The following PHRF1 variants were observed in gnomAD, a reference collection of about 807,000 sequenced individuals.
PHRF1 encodes the protein PHD and ring finger domains 1, also known as PHD and RING finger domain-containing protein 1.
Under a neutral mutation model 128.9 loss-of-function variants are expected in PHRF1, and 53 were observed. The observed-to-expected ratio is 0.41, with a 90% confidence interval of 0.33 to 0.52. PHRF1 has a LOEUF of 0.52. Among genes scored for constraint, PHRF1 ranks in the 20% least tolerant of loss-of-function variants. PHRF1 has a pLI of 0.21. For synonymous variants in PHRF1, 1,178 were observed against 980.6 expected (o/e 1.20, Z -3.76); for missense variants, 2,503 against 2,284.5 (o/e 1.10, Z -1.95).
At chr11:586,925 TCTGGGACCTGTGCTAGGCCCCAGGG>T (rs1854601634) in intron 3 of PHRF1, among the ~76,000 whole-genome samples, 1 of 152,192 alleles carries the variant, frequency 6.6e-6, no homozygotes, top group African/African-American at 2.4e-5. Context: ...CCTGATGGTC[TCTGGGACCTGTGCTAGGCCCCAGGG>T]CTGCCCTGCC....
chr11:600,222 C>G (rs147468612), intron 9 of PHRF1, among the ~76,000 whole-genome samples: 4,733 of 151,376 alleles, frequency 0.031, 110 homozygotes, highest in South Asian at 0.089. Context: ...TTTTCTGTGT[C>G]TCTCCCCGAT....
chr11:584,754 T>TG (rs1284414862), intron 3 of PHRF1, among the ~76,000 whole-genome samples: 2 of 147,498 alleles, frequency 1.4e-5, no homozygotes, highest in African/African-American at 5.1e-5. Context: ...TTTTTTTTTT[T>TG]GAGACCGAGT....
chr11:592,754 C>CACAGAGCGAAGA, intron 6 of PHRF1, 80 bp downstream of exon 6: 1 of 1,470,552 alleles, frequency 6.8e-7, no homozygotes, highest in Non-Finnish European at 9.5e-7. Context: ...AGAGCCTCTT[C>CACAGAGCGAAGA]GCTCTGTGAA....
intron 16 of PHRF1, 81 bp downstream of exon 16, chr11:610,842 G>A (rs1175577261): frequency 3.2e-6 from 5 of 1,582,028 alleles, no homozygotes; most frequent in Non-Finnish European, 4.3e-6. Flanking sequence ...TTTATGGGCG[G>A]AAGCTGGTCG....
At chr11:579,776 G>A (rs1217237319) in intron 1 of PHRF1, among the ~76,000 whole-genome samples, 2 of 152,262 alleles carry the variant, frequency 1.3e-5, no homozygotes, top group South Asian at 2.1e-4. Context: ...TTTCCAGGCA[G>A]TAGTAAGATT....
intron 9 of PHRF1, among the ~76,000 whole-genome samples, chr11:599,414 C>G: frequency 6.6e-6 from 1 of 151,898 alleles, no homozygotes; most frequent in East Asian, 1.9e-4. Context: ...CCACACCCAC[C>G]TAGTTTTTGT....
rs200601092 is a variant in PHRF1, at chr11:601,565, T to G, written c.1025-9T>G. ...CAGAGAAGCACAGACTTCAACCTCT[T>G]TTCCTTAGGAAGACGGAAGAAAGTG... On this transcript the variant is annotated splice_polypyrimidine_tract_variant and intron_variant, in intron 9 of 17. Coordinates refer to ENST00000264555, the MANE Select transcript of PHRF1 (RefSeq NM_001286581.2). 167 of 1,613,532 alleles carry G rather than the reference T, an allele frequency of 1.0e-4. No homozygotes were observed. The highest frequency in any genetic ancestry group is 1.3e-4 in the Non-Finnish European group (155 of 1,179,860).
Position 591,367 on chromosome 11 carries a change from GT to G in PHRF1, c.421-12del, listed in dbSNP as rs1172106427. The G allele has an allele frequency of 6.3e-7, 1 of 1,592,966 alleles. No homozygotes were observed. Among genetic ancestry groups the G allele is most frequent in the Admixed American group, 1.7e-5 (1 of 57,686 alleles). On this transcript the variant is annotated splice_polypyrimidine_tract_variant and intron_variant, in intron 4 of 17. Coordinates refer to ENST00000264555, the MANE Select transcript of PHRF1 (RefSeq NM_001286581.2). ...AAGTGATTGACAAGATTCTGATCCT[GT>G]TTTTATTTCTCACAGAATGCCAATT... is the stretch of plus-strand genomic sequence containing the variant.
At chr11:582,166 G>C in intron 3 of PHRF1, 85 bp downstream of exon 3, 1 of 1,537,090 alleles carries the variant, frequency 6.5e-7, no homozygotes, top group Non-Finnish European at 8.8e-7. Flanking sequence ...CTCCGTGAGA[G>C]TGCTGTCACC....
Position 606,478 on chromosome 11 carries a change from G to A in PHRF1, c.1491G>A (p.Leu497=), listed in dbSNP as rs1332816748. 1 of 1,590,658 alleles carries A rather than the reference G, an allele frequency of 6.3e-7. No homozygotes were observed. The highest frequency in any genetic ancestry group is 2.3e-5 in the East Asian group (1 of 43,976). Reference sequence around the variant, plus strand: ...CTGCCGCGGTGCCAGAGCCAGACTTGGAGGAGGAGCCAGTGCCTGACCTGC... The same window carrying A: ...CTGCCGCGGTGCCAGAGCCAGACTTAGAGGAGGAGCCAGTGCCTGACCTGC... ...RLPAAVPEPD[L]EEEPVPDLLG... The change falls in exon 13 of 18, where the codon TTG becomes TTA. Residue 497 remains leucine, a synonymous_variant. Transcript: ENST00000264555.
In PHRF1 at chr11:608,392, C is replaced by G. The variant is rs1190481624; in HGVS notation, c.2936C>G (p.Ala979Gly). 5.6e-6 allele frequency: 9 copies of G among 1,611,520 alleles called. No homozygotes were observed. In the Admixed American group the frequency reaches 8.4e-5, roughly 15 times the overall value. Residue 979 changes from alanine (A) to glycine (G), a missense_variant, in exon 14 of 18, where the codon GCT (alanine) becomes GGT (glycine). Physicochemically the swap from Ala to Gly is moderately conservative, Grantham distance 60 (BLOSUM62 0). Transcript: ENST00000264555. ...EAPPSPDVLQ[A>G]ATHRVVELRP... is the part of the protein sequence containing the mutation. ...CCACCCAGCCCGGACGTGCTGCAGG[C>G]TGCCACCCACAGAGTCGTGGAGCTC... is the stretch of plus-strand genomic sequence containing the variant.
chr11:610,920 C>T (rs774217328), intron 16 of PHRF1, 34 bp from the exon 17 acceptor site: 1 of 1,607,828 alleles, frequency 6.2e-7, no homozygotes, highest in Non-Finnish European at 8.5e-7. Context: ...TCCCGGCTCC[C>T]TTCCTGGCCG....
intron 4 of PHRF1, among the ~76,000 whole-genome samples, chr11:589,467 C>T (rs761987181): frequency 6.6e-6 from 1 of 152,122 alleles, no homozygotes; most frequent in Non-Finnish European, 1.5e-5. Flanking sequence ...AAATTGCCTA[C>T]TGGATATTAT....
At chr11:605,062 C>T in intron 10 of PHRF1, 57 bp from the exon 11 acceptor site, 3 of 1,515,560 alleles carry the variant, frequency 2.0e-6, no homozygotes, top group South Asian at 1.2e-5. Flanking sequence ...TTTACAGAGC[C>T]CTCGTAGATG....
rs761326690 is a variant in PHRF1 at position 609,520 on chromosome 11, C to G, written c.4064C>G (p.Ala1355Gly). The G allele has an allele frequency of 6.2e-7, 1 of 1,601,950 alleles. No homozygotes were observed. The change falls in exon 14 of 18, where the codon GCT becomes GGT. Residue 1355 changes from alanine to glycine, a missense_variant. By Grantham distance (60) the Ala-to-Gly change is moderately conservative. Transcript: ENST00000264555. ...HLLRPDAAEK[A>G]EAPSSPDVAP... ...CTCAGGCCGGACGCGGCTGAGAAGG[C>G]TGAGGCACCCAGTTCCCCGGATGTG...
chr11:594,720 C>T (rs973540565), intron 6 of PHRF1, among the ~76,000 whole-genome samples: 13 of 152,200 alleles, frequency 8.5e-5, no homozygotes, highest in Admixed American at 4.6e-4. Flanking sequence ...CCTCGGCCTC[C>T]CAAAGTGCTG....
chr11:610,552 C>T lies in PHRF1; in HGVS notation c.4468C>T (p.Pro1490Ser). The stretch of plus-strand genomic sequence containing the variant: ...CCCGGCCCAGCCCTCAAGCATCCCA[C>T]CCTGCGCACTGGTCAGCCAGCCCAC... ...PAPAQPSSIP[P>S]CALVSQPTVQ... Residue 1490 changes from proline (P) to serine (S), a missense_variant, in exon 16 of 18, where the codon CCC becomes TCC. Pro to Ser is a moderately conservative substitution (Grantham distance 74, BLOSUM62 -1). Transcript: ENST00000264555. 2 of 1,606,148 alleles carry T rather than the reference C, an allele frequency of 1.2e-6. No individual in the cohort carries two copies. The highest frequency in any genetic ancestry group is 1.1e-5 in the South Asian group (1 of 91,062).
chr11:576,673 T>C (rs1197518143), intron 1 of PHRF1, 81 bp downstream of exon 1: 2 of 143,828 alleles, frequency 1.4e-5, no homozygotes, highest in Non-Finnish European at 3.1e-5. Context: ...GCGCTTTGTC[T>C]GCGGCCTGCA....
chr11:593,860 C>T (rs1334487615), intron 6 of PHRF1, among the ~76,000 whole-genome samples: 2 of 152,208 alleles, frequency 1.3e-5, no homozygotes, highest in African/African-American at 4.8e-5. Context: ...TCCTTTCTCA[C>T]GAGTCTGAGC....
Sources: allele counts gnomAD v4.1 joint callset (sites outside exome capture counted in the v4.1 genomes callset), GRCh38; gene constraint gnomAD v4.1.1; transcripts MANE v1.5; gene names NCBI Gene and HGNC (gene_info 2026-07-23, HGNC 2026-07-21).